Variants in IL34 observed in about 807,000 individuals in gnomAD.
IL34 encodes interleukin-34.
Under a neutral mutation model 25.3 loss-of-function variants are expected in IL34, and 17 were observed. The ratio of observed to expected loss-of-function variants is 0.67; its 90% CI spans 0.46 to 1.01. IL34 has a LOEUF of 1.01. IL34 is among the 50% of genes least tolerant of loss of function. The pLI, the probability that IL34 is intolerant of heterozygous loss-of-function variation, is 0.00. For synonymous variants in IL34, 174 were observed against 140.9 expected, an observed-to-expected ratio of 1.23 and a Z score of -1.66; for missense variants, 368 against 312.9, an observed-to-expected ratio of 1.18 and a Z score of -1.33.
intron 1 of IL34, among the ~76,000 whole-genome samples, chr16:70,631,435 C>T (rs1249130872): frequency 3.9e-5 from 6 of 152,066 alleles, no homozygotes; most frequent in African/African-American, 1.4e-4. Context: ...CCAATTTATT[C>T]TTGTTTTTAT....
chr16:70,643,045 CTTTA>C (rs955515049), upstream of IL34, among the ~76,000 whole-genome samples: 6 of 152,022 alleles, frequency 3.9e-5, no homozygotes, highest in Admixed American at 3.9e-4. Flanking sequence ...AAGTTGTACA[CTTTA>C]TTATTTATTT....
upstream of IL34, among the ~76,000 whole-genome samples, chr16:70,646,061 AT>A (rs910565074): frequency 2.0e-4 from 30 of 150,416 alleles, no homozygotes; most frequent in Admixed American, 5.3e-4. Flanking sequence ...TCTCAAAAAA[AT>A]TTTTTTTTTC....
chr16:70,642,014 GA>G (rs754917587), upstream of IL34, among the ~76,000 whole-genome samples: 69 of 152,274 alleles, frequency 4.5e-4, no homozygotes, highest in Non-Finnish European at 8.8e-4. Context: ...GTAAAGTACG[GA>G]TACATGCTGT....
intron 1 of IL34, among the ~76,000 whole-genome samples, chr16:70,612,018 G>A (rs2051098406): frequency 6.6e-6 from 1 of 152,166 alleles, no homozygotes; most frequent in Non-Finnish European, 1.5e-5. Context: ...AATACAGTGA[G>A]ACCCTGTGTA....
chr16:70,625,334 G>C (rs943173680), intron 1 of IL34, among the ~76,000 whole-genome samples: 3 of 151,994 alleles, frequency 2.0e-5, no homozygotes, highest in Non-Finnish European at 2.9e-5. Context: ...AAGTGGGAAG[G>C]GGGGTCGGGG....
At chr16:70,615,506 A>AAAATAAAT (rs563697592) in intron 1 of IL34, among the ~76,000 whole-genome samples, 3 of 152,020 alleles carry the variant, frequency 2.0e-5, no homozygotes, top group Admixed American at 6.6e-5. Flanking sequence ...ACTCCGTCTC[A>AAAATAAAT]AAATAAATAA....
chr16:70,608,319 G>C (rs1480847225), intron 1 of IL34, among the ~76,000 whole-genome samples: 1 of 151,614 alleles, frequency 6.6e-6, no homozygotes, highest in Non-Finnish European at 1.5e-5. Flanking sequence ...AGTAGGGTCA[G>C]TGTTTCACCA....
At chr16:70,622,180 A>G (rs12596821) in intron 1 of IL34, among the ~76,000 whole-genome samples, 60,390 of 151,866 alleles carry the variant, frequency 0.4, 12,857 homozygotes, top group South Asian at 0.63. Flanking sequence ...ATGTCTGACA[A>G]AAGGGAAAAA....
upstream of IL34, chr16:70,646,538 C>A (rs1417170431): frequency 1.4e-5 from 3 of 211,344 alleles, no homozygotes; most frequent in Admixed American, 6.0e-5. Context: ...CTCCTCCTTT[C>A]TCTTCCTAGA....
chr16:70,605,947 C>T (rs905584369), intron 1 of IL34, among the ~76,000 whole-genome samples: 1 of 145,864 alleles, frequency 6.9e-6, no homozygotes, highest in Non-Finnish European at 1.5e-5. Flanking sequence ...GCTGGGATTA[C>T]AGGCGTGAGC....
At chr16:70,616,561 G>A (rs1185326562) in intron 1 of IL34, among the ~76,000 whole-genome samples, 1 of 152,270 alleles carries the variant, frequency 6.6e-6, no homozygotes, top group African/African-American at 2.4e-5. Context: ...TCACCTGGGT[G>A]CAGGCGGGCT....
chr16:70,588,377 C>T (rs751835705), intron 1 of IL34, among the ~76,000 whole-genome samples: 5 of 151,934 alleles, frequency 3.3e-5, no homozygotes, highest in Non-Finnish European at 4.4e-5. Flanking sequence ...GTCTGTAATC[C>T]CAGTTACTCG....
chr16:70,588,315 A>C (rs1422859183), intron 1 of IL34, among the ~76,000 whole-genome samples: 1 of 151,814 alleles, frequency 6.6e-6, no homozygotes, highest in Non-Finnish European at 1.5e-5. Context: ...CCAACATGGC[A>C]AAACCCCATA....
At chr16:70,655,618 C>G (rs1233257738) in intron 2 of IL34, among the ~76,000 whole-genome samples, 1 of 151,948 alleles carries the variant, frequency 6.6e-6, no homozygotes, top group Non-Finnish European at 1.5e-5. Context: ...TCTTGAACTC[C>G]TGGGCTCAAG....
At chr16:70,655,878 T>A (rs896106938) in intron 2 of IL34, among the ~76,000 whole-genome samples, 11 of 152,202 alleles carry the variant, frequency 7.2e-5, no homozygotes. Context: ...CTGGCTTGTG[T>A]CTTTTTTATT....
At chr16:70,621,076 G>A (rs959516126) in intron 1 of IL34, among the ~76,000 whole-genome samples, 1 of 152,082 alleles carries the variant, frequency 6.6e-6, no homozygotes, top group Non-Finnish European at 1.5e-5. Flanking sequence ...AGCAATTAGG[G>A]GGTTCTTGCC....
At chr16:70,658,860 G>A (rs1215954482) in intron 4 of IL34, among the ~76,000 whole-genome samples, 1 of 152,168 alleles carries the variant, frequency 6.6e-6, no homozygotes, top group African/African-American at 2.4e-5. Context: ...GGGCCTACCT[G>A]AAATCCAGGA....
At chr16:70,639,208 G>T (rs2051724837) in intron 1 of IL34, among the ~76,000 whole-genome samples, 1 of 152,214 alleles carries the variant, frequency 6.6e-6, no homozygotes, top group Admixed American at 6.5e-5. Flanking sequence ...CCCGGATCCA[G>T]GAGTGTATTT....
At chr16:70,637,024 C>T (rs1161518212) in intron 1 of IL34, among the ~76,000 whole-genome samples, 1 of 151,608 alleles carries the variant, frequency 6.6e-6, no homozygotes, top group African/African-American at 2.4e-5. Context: ...GGACTACAGG[C>T]TAATTTTTTG....
Sources: allele counts gnomAD v4.1 joint callset (sites outside exome capture counted in the v4.1 genomes callset), GRCh38; gene constraint gnomAD v4.1.1; transcripts MANE v1.5; gene names NCBI Gene and HGNC (gene_info 2026-07-23, HGNC 2026-07-21).